PDE11A: variants seen among roughly 807,000 people sequenced by gnomAD.
PDE11A encodes phosphodiesterase 11A, also known as dual 3',5'-cyclic-AMP and -GMP phosphodiesterase 11A.
Under a neutral mutation model 100.5 loss-of-function variants are expected in PDE11A, and 100 were observed. That is an observed-to-expected ratio of 1.00 (90% CI 0.85 to 1.18). The LOEUF is 1.18. Ranked by LOEUF, PDE11A falls within the 50% of genes most tolerant of loss-of-function variation. The pLI, the probability that PDE11A is intolerant of heterozygous loss-of-function variation, is 0.00. For synonymous variants in PDE11A, 381 were observed against 420.8 expected, an observed-to-expected ratio of 0.91 and a Z score of 1.16; for missense variants, 1,141 against 1,152.6, an observed-to-expected ratio of 0.99 and a Z score of 0.15.
chr2:178,044,732 G>A (rs1282706308), intron 1 of PDE11A, among the ~76,000 whole-genome samples: 1 of 151,966 alleles, frequency 6.6e-6, no homozygotes, highest in Non-Finnish European at 1.5e-5. Flanking sequence ...GGTAGTATGT[G>A]GTGAAGCATT....
intron 2 of PDE11A, among the ~76,000 whole-genome samples, chr2:178,083,478 A>T (rs912103210): frequency 7.9e-5 from 12 of 152,176 alleles, no homozygotes; most frequent in East Asian, 1.9e-4. Flanking sequence ...AAAAACAAAA[A>T]TTTTTTTAAA....
chr2:178,034,526 T>C (rs1326323538), intron 1 of PDE11A, among the ~76,000 whole-genome samples: 1 of 152,210 alleles, frequency 6.6e-6, no homozygotes, highest in African/African-American at 2.4e-5. Context: ...CAAGTGGACC[T>C]AATAGACATC....
Position 178,072,224 on chromosome 2 carries a change from C to T in PDE11A, c.214G>A (p.Val72Ile). 6.2e-7 allele frequency: 1 copy of T among 1,613,640 alleles called. No individual in the cohort carries two copies. Among genetic ancestry groups the T allele is most frequent in the Non-Finnish European group, 8.5e-7 (1 of 1,179,726 alleles). ...AHSTCRGGSS[V>I]GGGTGPNGSA... Reference sequence around the variant, plus strand: ...CCATTTGGTCCAGTGCCACCACCAACGCTGCTGCCACCTCTGCAGGTGCTG... The same window carrying T: ...CCATTTGGTCCAGTGCCACCACCAATGCTGCTGCCACCTCTGCAGGTGCTG... The change falls in exon 1 of 20, where the codon GTT (valine) becomes ATT (isoleucine). Residue 72 changes from valine (V) to isoleucine (I), a missense_variant. Val to Ile is a conservative substitution (Grantham distance 29, BLOSUM62 3). Coordinates refer to ENST00000286063, the MANE Select transcript of PDE11A (RefSeq NM_016953.4).
At chr2:177,840,150 A>T in intron 6 of PDE11A, 101 bp downstream of exon 6, 4 of 1,204,114 alleles carry the variant, frequency 3.3e-6, no homozygotes, top group Non-Finnish European at 4.9e-6. Flanking sequence ...CAGGGGAAGG[A>T]TGCAAAAGAA....
At chr2:177,631,291 C>CA (rs869059416) in intron 19 of PDE11A, among the ~76,000 whole-genome samples, 303 of 11,718 alleles carry the variant, frequency 0.026, 4 homozygotes, top group Middle Eastern at 0.071. Context: ...ACTAAAAATG[C>CA]AAAAAAAAAA....
At chr2:178,028,917 T>C (rs971640455) in intron 1 of PDE11A, among the ~76,000 whole-genome samples, 5 of 152,182 alleles carry the variant, frequency 3.3e-5, no homozygotes, top group Admixed American at 6.5e-5. Flanking sequence ...AGGATCTGCA[T>C]AGTACGGAAC....
chr2:177,806,514 T>C (rs2082873870), intron 9 of PDE11A, among the ~76,000 whole-genome samples: 1 of 152,218 alleles, frequency 6.6e-6, no homozygotes. Context: ...ATCCTCTTTA[T>C]GAGAAATAGA....
intron 15 of PDE11A, among the ~76,000 whole-genome samples, chr2:177,691,226 C>A (rs572237506): frequency 9.2e-5 from 14 of 152,174 alleles, no homozygotes; most frequent in Non-Finnish European, 1.6e-4. Flanking sequence ...CCAATAGCAA[C>A]AACCCCTGTG....
chr2:177,982,790 A>T (rs1162723471), intron 2 of PDE11A, among the ~76,000 whole-genome samples: 1 of 150,972 alleles, frequency 6.6e-6, no homozygotes. Context: ...CACTATAAAA[A>T]TAAGGCCAGG....
At chr2:178,023,119 C>T (rs1350721653) in intron 1 of PDE11A, among the ~76,000 whole-genome samples, 1 of 152,142 alleles carries the variant, frequency 6.6e-6, no homozygotes, top group Non-Finnish European at 1.5e-5. Context: ...TAATTGGATA[C>T]ATTTCTGACC....
intron 1 of PDE11A, among the ~76,000 whole-genome samples, chr2:178,030,582 G>GA (rs890018768): frequency 7.8e-4 from 111 of 143,086 alleles, no homozygotes; most frequent in African/African-American, 1.6e-3. Context: ...AGTATTCTAA[G>GA]AAAAAAAAAA....
chr2:178,025,795 G>A (rs1360995420), intron 1 of PDE11A, among the ~76,000 whole-genome samples: 1 of 152,122 alleles, frequency 6.6e-6, no homozygotes, highest in Admixed American at 6.6e-5. Flanking sequence ...AGTACCTGAA[G>A]AAAGAGTTAT....
chr2:177,869,433 C>T (rs2084088047), intron 5 of PDE11A, among the ~76,000 whole-genome samples: 1 of 152,190 alleles, frequency 6.6e-6, no homozygotes, highest in Admixed American at 6.5e-5. Flanking sequence ...TATATTTAAA[C>T]CAGCAACATT....
intron 10 of PDE11A, among the ~76,000 whole-genome samples, chr2:177,744,348 T>C (rs897990855): frequency 6.1e-4 from 92 of 151,744 alleles, no homozygotes; most frequent in Non-Finnish European, 1.1e-3. Context: ...TGCTTTTTTT[T>C]TTTTACTATA....
intron 2 of PDE11A, chr2:177,998,453 CA>C: frequency 8.3e-7 from 1 of 1,210,416 alleles, no homozygotes; most frequent in Non-Finnish European, 1.2e-6. Flanking sequence ...CATCTGACTC[CA>C]AAAGTTGCAT....
chr2:177,847,140 C>G (rs933507416), intron 5 of PDE11A, among the ~76,000 whole-genome samples: 3 of 152,070 alleles, frequency 2.0e-5, no homozygotes, highest in Non-Finnish European at 4.4e-5. Context: ...AGATGTAACC[C>G]CCCTTGTTAA....
chr2:178,057,762 G>A (rs960581103), intron 1 of PDE11A, among the ~76,000 whole-genome samples: 20 of 152,148 alleles, frequency 1.3e-4, no homozygotes, highest in Non-Finnish European at 4.4e-5. Context: ...GAGCATGATA[G>A]CCCTGCACCT....
chr2:177,746,974 A>G (rs1008120706), intron 10 of PDE11A, among the ~76,000 whole-genome samples: 1 of 152,248 alleles, frequency 6.6e-6, no homozygotes, highest in Non-Finnish European at 1.5e-5. Flanking sequence ...AGTATTAAAC[A>G]ATGACAGAAA....
intron 10 of PDE11A, among the ~76,000 whole-genome samples, chr2:177,738,598 C>A (rs2081828180): frequency 6.6e-6 from 1 of 152,200 alleles, no homozygotes; most frequent in African/African-American, 2.4e-5. Context: ...TCTTAACTCA[C>A]ATGCTCGGTT....
Sources: gnomAD v4.1 joint callset for allele counts (sites outside exome capture counted in the v4.1 genomes callset) on GRCh38, gnomAD v4.1.1 for gene constraint, MANE v1.5 for transcripts, NCBI Gene and HGNC (gene_info 2026-07-23, HGNC 2026-07-21) for gene names.